Variants in GPC5 observed in about 807,000 individuals in gnomAD.
The protein encoded by GPC5 is glypican-5.
GPC5 carries 47 observed loss-of-function variants against 53.9 expected under a neutral mutation model. That is an observed-to-expected ratio of 0.87 (90% CI 0.69 to 1.11). The LOEUF (loss-of-function observed/expected upper bound fraction) is 1.11, where lower values mean the gene tolerates loss of function less well. GPC5 is among the 50% of genes most tolerant of loss of function. The pLI is 0.00. For missense variants in GPC5, 748 were observed against 713.1 expected (o/e 1.05, Z -0.56); for synonymous variants, 286 against 263.3 (o/e 1.09, Z -0.84).
At chr13:91,480,217 A>G (rs7997706) in intron 2 of GPC5, among the ~76,000 whole-genome samples, 2,627 of 152,336 alleles carry the variant, frequency 0.017, 86 homozygotes, top group African/African-American at 0.059. Context: ...TGTTGTATAA[A>G]ATATAAACAC....
chr13:92,425,466 A>C (rs371001275), intron 7 of GPC5, among the ~76,000 whole-genome samples: 2 of 152,050 alleles, frequency 1.3e-5, no homozygotes, highest in African/African-American at 4.8e-5. Context: ...TTACCACGAC[A>C]GTCCTATGGC....
chr13:91,934,946 T>C (rs2039856002), intron 6 of GPC5, among the ~76,000 whole-genome samples: 1 of 152,000 alleles, frequency 6.6e-6, no homozygotes, highest in Non-Finnish European at 1.5e-5. Context: ...AGATAAGTGA[T>C]TTGCTCTTTA....
rs920571692 is a variant in GPC5 at position 91,547,464 on chromosome 13, C to G, written c.325+98542C>G. ...ATTTATATGAAAAGAAGTAGACAAC[C>G]TGAATATGCCTATATCTGTTTAAAA... On this transcript the variant is annotated intron_variant, in intron 2 of 7. Transcript: ENST00000377067. 3.3e-5 allele frequency among the ~76,000 whole-genome samples: 5 copies of G among 152,154 alleles called. No individual in the cohort carries two copies. In the East Asian group the frequency reaches 9.6e-4, roughly 29 times the overall value.
At chr13:91,487,168 C>T (rs753921924) in intron 2 of GPC5, among the ~76,000 whole-genome samples, 2 of 152,070 alleles carry the variant, frequency 1.3e-5, no homozygotes, top group Middle Eastern at 3.4e-3. Context: ...ATTTATTTAA[C>T]GTGCACAAGG....
At chr13:92,694,655 G>A (rs986791461) in intron 7 of GPC5, among the ~76,000 whole-genome samples, 1 of 152,180 alleles carries the variant, frequency 6.6e-6, no homozygotes, top group Admixed American at 6.5e-5. Flanking sequence ...ACTAATTTGT[G>A]TTTGATTTTA....
intron 7 of GPC5, among the ~76,000 whole-genome samples, chr13:92,158,727 T>C (rs2041963888): frequency 6.6e-6 from 1 of 152,108 alleles, no homozygotes; most frequent in Non-Finnish European, 1.5e-5. Context: ...TGCTTCTGTA[T>C]TGTCCATCTC....
chr13:92,841,729 T>C (rs930719409), intron 7 of GPC5, among the ~76,000 whole-genome samples: 5 of 152,190 alleles, frequency 3.3e-5, no homozygotes, highest in African/African-American at 1.2e-4. Flanking sequence ...AGTTTATATA[T>C]TGCAATTAGT....
intron 7 of GPC5, among the ~76,000 whole-genome samples, chr13:92,381,358 A>G (rs1326451620): frequency 6.6e-6 from 1 of 152,188 alleles, no homozygotes; most frequent in Non-Finnish European, 1.5e-5. Context: ...AGTGATGTTA[A>G]ATGGATAGAT....
intron 5 of GPC5, among the ~76,000 whole-genome samples, chr13:91,799,453 A>C (rs1291856073): frequency 6.6e-6 from 1 of 152,178 alleles, no homozygotes; most frequent in Non-Finnish European, 1.5e-5. Flanking sequence ...CCCATGTAAC[A>C]AACTTGTACA....
chr13:91,823,093 A>AGG (rs2038521274), intron 5 of GPC5, among the ~76,000 whole-genome samples: 2 of 152,150 alleles, frequency 1.3e-5, no homozygotes, highest in African/African-American at 4.8e-5. Context: ...GAATATACTG[A>AGG]GAAGGAAAAG....
intron 2 of GPC5, among the ~76,000 whole-genome samples, chr13:91,494,425 C>T (rs960926332): frequency 1.3e-5 from 2 of 151,660 alleles, no homozygotes; most frequent in Admixed American, 6.6e-5. Flanking sequence ...TCAAAAACAC[C>T]ACCACCAACC....
intron 7 of GPC5, among the ~76,000 whole-genome samples, chr13:92,367,554 T>C (rs1455269676): frequency 6.6e-6 from 1 of 152,232 alleles, no homozygotes; most frequent in Admixed American, 6.5e-5. Flanking sequence ...AGATATTTTG[T>C]ACCCAATATA....
intron 2 of GPC5, among the ~76,000 whole-genome samples, chr13:91,611,833 A>G (rs1042965385): frequency 1.3e-5 from 2 of 151,918 alleles, no homozygotes; most frequent in African/African-American, 4.8e-5. Context: ...AGCTCTCCTG[A>G]TGCTCTCTTT....
rs150363191 is a variant in GPC5 at position 92,430,578 on chromosome 13, C to T, written c.1561+285589C>T. On this transcript the variant is annotated intron_variant, in intron 7 of 7. Transcript: ENST00000377067. Reference sequence around the variant, plus strand: ...TTACATTTTTATCACATTTTGGTGCCTCTTCGCTAGACTGTCCAGATGATT... The same window carrying T: ...TTACATTTTTATCACATTTTGGTGCTTCTTCGCTAGACTGTCCAGATGATT... Among the ~76,000 whole-genome samples, 31 of 152,226 alleles carry T rather than the reference C, an allele frequency of 2.0e-4. 1 individual carries two copies. The East Asian group carries it at 6.0e-3, about 29-fold the overall frequency.
At chr13:92,157,146 A>G (rs2041950890) in intron 7 of GPC5, among the ~76,000 whole-genome samples, 1 of 152,214 alleles carries the variant, frequency 6.6e-6, no homozygotes. Context: ...CCATAATTTC[A>G]TATCCTCAGA....
At chr13:91,782,966 A>G (rs1176372525) in intron 5 of GPC5, among the ~76,000 whole-genome samples, 2 of 151,914 alleles carry the variant, frequency 1.3e-5, no homozygotes, top group African/African-American at 4.8e-5. Flanking sequence ...TTTTCCTAAC[A>G]TTTATTCTGT....
chr13:92,248,820 G>A (rs973645930), intron 7 of GPC5, among the ~76,000 whole-genome samples: 5 of 151,964 alleles, frequency 3.3e-5, no homozygotes, highest in South Asian at 2.1e-4. Flanking sequence ...TTGTTTGCTC[G>A]TTTGTGTGTT....
At chr13:91,571,814 C>T (rs1200499870) in intron 2 of GPC5, among the ~76,000 whole-genome samples, 8 of 95,708 alleles carry the variant, frequency 8.4e-5, no homozygotes, top group African/African-American at 3.4e-4. Flanking sequence ...CACACACATA[C>T]GTGTGTGTAT....
chr13:92,099,123 C>T (rs574148612), intron 6 of GPC5, among the ~76,000 whole-genome samples: 147 of 152,084 alleles, frequency 9.7e-4, no homozygotes, highest in African/African-American at 3.3e-3. Flanking sequence ...AAGTTTTTTT[C>T]CCCTCCACAC....
Sources: gnomAD v4.1 joint callset for allele counts (sites outside exome capture counted in the v4.1 genomes callset) on GRCh38, gnomAD v4.1.1 for gene constraint, MANE v1.5 for transcripts, NCBI Gene and HGNC (gene_info 2026-07-23, HGNC 2026-07-21) for gene names.